CLCA1: variants seen among roughly 807,000 people sequenced by gnomAD.
CLCA1 encodes the protein calcium-activated chloride channel regulator 1.
A neutral mutation model predicts 85.6 loss-of-function variants in CLCA1; 59 were observed. The observed-to-expected ratio is 0.69, with a 90% CI of 0.56 to 0.86. CLCA1 has a LOEUF of 0.86. CLCA1 is among the 40% of genes least tolerant of loss of function. The pLI is 0.00. For missense variants in CLCA1, 1,022 were observed against 1,101.4 expected (o/e 0.93, Z 1.02); for synonymous variants, 396 against 398.3 (o/e 0.99, Z 0.07).
Position 86,495,529 on chromosome 1 carries a change from G to GT in CLCA1, c.1968dup (p.Val657CysfsTer10). ...GGTGCTGATGCTACTAAGGATGACG[G>GT]TGTCTACTCAAGGTATTTCACAACT... On this transcript the variant is annotated frameshift_variant, in exon 12 of 14. Coordinates refer to ENST00000394711, the MANE Select transcript of CLCA1 (RefSeq NM_001285.4). LOFTEE classifies it high-confidence loss of function. 1 of 1,613,624 alleles carries GT rather than the reference G, an allele frequency of 6.2e-7. No individual in the cohort carries two copies. The highest frequency in any genetic ancestry group is 8.5e-7 in the Non-Finnish European group (1 of 1,179,626).
chr1:86,469,224 C>A (rs748593336), intron 1 of CLCA1, 91 bp downstream of exon 1: 6 of 807,084 alleles, frequency 7.4e-6, no homozygotes, highest in Non-Finnish European at 1.1e-5. Context: ...CTGCACGACA[C>A]TGGCATGTAT....
In CLCA1 at chr1:86,482,338, CA is replaced by C; in HGVS notation, c.692del (p.Gln231ArgfsTer7). 1 of 1,614,122 alleles carries C rather than the reference CA, an allele frequency of 6.2e-7. No individual in the cohort carries two copies. The highest frequency in any genetic ancestry group is 8.5e-7 in the Non-Finnish European group (1 of 1,179,956). On this transcript the variant is annotated frameshift_variant, in exon 5 of 14. Coordinates refer to ENST00000394711, the MANE Select transcript of CLCA1 (RefSeq NM_001285.4). LOFTEE classifies it high-confidence loss of function. ...KGCEFVLQSR[Q>X]TEKASIMFAQ... ...ATGTGAGTTTGTTCTCCAATCCCGC[CA>C]GACGGAGAAGGCTTCTATAATGTTT...
intron 4 of CLCA1, among the ~76,000 whole-genome samples, chr1:86,480,601 T>C (rs1204819123): frequency 6.6e-6 from 1 of 152,090 alleles, no homozygotes; most frequent in Non-Finnish European, 1.5e-5. Context: ...CATTCTAGCC[T>C]GGGCAACAAG....
In CLCA1 at chr1:86,482,558, C is replaced by G. The variant is rs578101022; in HGVS notation, c.735+176C>G. Among the ~76,000 whole-genome samples the G allele has an allele frequency of 1.5e-4, 23 of 152,298 alleles. No homozygotes were observed. The South Asian group carries it at 4.4e-3, about 29-fold the overall frequency. On this transcript the variant is annotated intron_variant, in intron 5 of 13. Transcript: ENST00000394711. ...TAAAGTCCTGTCTTCCTTCCCCTTA[C>G]CCTCCTCGTGTCCACGCTTTCTTCT...
intron 4 of CLCA1, among the ~76,000 whole-genome samples, chr1:86,479,780 G>A (rs1327458964): frequency 1.3e-5 from 2 of 152,142 alleles, no homozygotes; most frequent in African/African-American, 2.4e-5. Context: ...AGCTACTTGG[G>A]AGGCTGAGGC....
intron 4 of CLCA1, among the ~76,000 whole-genome samples, chr1:86,477,830 A>T (rs948757649): frequency 6.6e-6 from 1 of 152,206 alleles, no homozygotes; most frequent in Non-Finnish European, 1.5e-5. Context: ...ACGCACACTT[A>T]TTCCTGCATT....
rs5744302 is a variant in CLCA1, at chr1:86,469,225, T to G, written c.162+92T>G. 9.9e-3 allele frequency: 7,885 copies of G among 793,786 alleles called. 343 individuals carry two copies. The African/African-American group carries it at 0.1, about 10-fold the overall frequency. The allele number at this position is 793,786 out of a possible 1,614,324, so 49.2% of individuals were successfully genotyped here. On this transcript the variant is annotated intron_variant, in intron 1 of 13. Coordinates refer to ENST00000394711, the MANE Select transcript of CLCA1 (RefSeq NM_001285.4). ...GTGCCCTATTCCAGCTGCACGACAC[T>G]GGCATGTATTTTTATGTCTAAGTCT...
At chr1:86,497,204 T>C (rs1207192598) in intron 12 of CLCA1, among the ~76,000 whole-genome samples, 1 of 152,212 alleles carries the variant, frequency 6.6e-6, no homozygotes, top group African/African-American at 2.4e-5. Flanking sequence ...ACTAATAGTG[T>C]TAGTGCCTGG....
Position 86,489,255 on chromosome 1 carries a change from G to A in CLCA1, c.1357+85G>A. 3 of 1,300,600 alleles carry A rather than the reference G, an allele frequency of 2.3e-6. No homozygotes were observed. In the South Asian group the frequency reaches 4.2e-5, roughly 18 times the overall value. The allele number at this position is 1,300,600 out of a possible 1,614,324, so 80.6% of individuals were successfully genotyped here. On this transcript the variant is annotated intron_variant, in intron 8 of 13. Coordinates refer to ENST00000394711, the MANE Select transcript of CLCA1 (RefSeq NM_001285.4). The stretch of plus-strand genomic sequence containing the variant: ...GTGAACTGGGGAGTGGGGGAAAGAT[G>A]GGATGGAGAGAGATAGGATAACCTA...
Position 86,489,954 on chromosome 1 carries a change from T to C in CLCA1, c.1357+784T>C, listed in dbSNP as rs563663067. Among the ~76,000 whole-genome samples, 117 of 152,108 alleles carry C rather than the reference T, an allele frequency of 7.7e-4. 1 individual carries two copies. Among genetic ancestry groups the C allele is most frequent in the Non-Finnish European group, 1.4e-3 (97 of 68,034 alleles). On this transcript the variant is annotated intron_variant, in intron 8 of 13. Coordinates refer to ENST00000394711, the MANE Select transcript of CLCA1 (RefSeq NM_001285.4). ...CAGGGATTTGGGTCCATGCAATTTA[T>C]AGGAGAGAGAGCTCTTAGGAGAAAA...
chr1:86,490,455 T>G (rs562485748), intron 8 of CLCA1, among the ~76,000 whole-genome samples: 1 of 152,208 alleles, frequency 6.6e-6, no homozygotes, highest in African/African-American at 2.4e-5. Context: ...GTTTTTATAA[T>G]ATACTATTCT....
rs1314711809 is a variant in CLCA1, at chr1:86,491,287, A to C, written c.1380A>C (p.Ser460=). 3 of 1,613,268 alleles carry C rather than the reference A, an allele frequency of 1.9e-6. No individual in the cohort carries two copies. The highest frequency in any genetic ancestry group is 2.7e-5 in the African/African-American group (2 of 74,910). Residue 460 remains serine, a synonymous_variant, in exon 9 of 14, where the codon TCA becomes TCC. Coordinates refer to ENST00000394711, the MANE Select transcript of CLCA1 (RefSeq NM_001285.4). ...KMTGGLQTYA[S]DQVQNNGLID... ...TAGGAGGTTTACAGACATATGCTTC[A>C]GATCAAGTTCAGAACAATGGCCTCA...
At chr1:86,496,334 C>T (rs1214712923) in intron 12 of CLCA1, among the ~76,000 whole-genome samples, 1 of 152,200 alleles carries the variant, frequency 6.6e-6, no homozygotes, top group African/African-American at 2.4e-5. Context: ...AGTCCACTGT[C>T]TGTCTTTCCT....
At position 86,469,777 on chromosome 1, in the gene CLCA1, G is replaced by A. The variant is rs551751357; in HGVS notation, c.162+644G>A. 2.6e-5 allele frequency among the ~76,000 whole-genome samples: 4 copies of A among 152,268 alleles called. No individual in the cohort carries two copies. The South Asian group carries it at 6.2e-4, about 24-fold the overall frequency. On this transcript the variant is annotated intron_variant, in intron 1 of 13. Coordinates refer to ENST00000394711, the MANE Select transcript of CLCA1 (RefSeq NM_001285.4). Reference sequence around the variant, plus strand: ...ACAACAAACAGCTAAAACTAAGAGGGAAATGCTTTATAAAAGACCGCCCTG... The same window carrying A: ...ACAACAAACAGCTAAAACTAAGAGGAAAATGCTTTATAAAAGACCGCCCTG...
intron 5 of CLCA1, 87 bp from the exon 6 acceptor site, chr1:86,485,256 A>C (rs1220702535): frequency 1.0e-6 from 1 of 998,380 alleles, no homozygotes. Flanking sequence ...AAGGTTATGC[A>C]TTAGCAGAGC....
Position 86,469,840 on chromosome 1 carries a change from T to C in CLCA1, c.162+707T>C, listed in dbSNP as rs138144463. 1.1e-4 allele frequency among the ~76,000 whole-genome samples: 17 copies of C among 152,294 alleles called. No individual in the cohort carries two copies. The East Asian group carries it at 2.3e-3, about 21-fold the overall frequency. On this transcript the variant is annotated intron_variant, in intron 1 of 13. Transcript: ENST00000394711. ...AACACATCCAGAGGCAGTGCTGTAC[T>C]AGTAACAGTATTAGTCTGTAAAATG... is the stretch of plus-strand genomic sequence containing the variant.
intron 1 of CLCA1, among the ~76,000 whole-genome samples, chr1:86,470,113 T>G (rs895173616): frequency 6.6e-6 from 1 of 152,132 alleles, no homozygotes; most frequent in Admixed American, 6.5e-5. Context: ...GATGGAAAAT[T>G]AATAGAACAA....
chr1:86,498,155 A>AAAGGAAGGAAGGAAGGAAAG (rs1648347832), intron 12 of CLCA1, among the ~76,000 whole-genome samples: 1 of 125,952 alleles, frequency 7.9e-6, no homozygotes, highest in Non-Finnish European at 1.7e-5. Context: ...AAAAACAAAG[A>AAAGGAAGGAAGGAAGGAAAG]AAGGAAGGAA....
chr1:86,493,759 A>C (rs1178831654), intron 10 of CLCA1, among the ~76,000 whole-genome samples, 160 bp downstream of exon 10: 1 of 152,160 alleles, frequency 6.6e-6, no homozygotes, highest in Admixed American at 6.5e-5. Flanking sequence ...AATGAAAATC[A>C]CTCAGTATGT....
Sources: gnomAD v4.1 joint callset for allele counts (sites outside exome capture counted in the v4.1 genomes callset) on GRCh38, gnomAD v4.1.1 for gene constraint, MANE v1.5 for transcripts, NCBI Gene and HGNC (gene_info 2026-07-23, HGNC 2026-07-21) for gene names.